The following SNX8 variants were observed in gnomAD, a reference collection of about 807,000 sequenced individuals.
The protein encoded by SNX8 is sorting nexin-8.
A neutral mutation model predicts 51.6 loss-of-function variants in SNX8; 25 were observed. The ratio of observed to expected loss-of-function variants is 0.48; its 90% confidence interval spans 0.35 to 0.68. The LOEUF is 0.68. Ranked by LOEUF, SNX8 falls within the 30% of genes least tolerant of loss-of-function variation. SNX8 has a pLI of 0.00. For missense variants in SNX8, 695 were observed against 624.0 expected, an observed-to-expected ratio of 1.11 and a Z score of -1.21; for synonymous variants, 324 against 277.0, an observed-to-expected ratio of 1.17 and a Z score of -1.68.
chr7:2,291,477 A>C (rs1265104281), intron 1 of SNX8, among the ~76,000 whole-genome samples: 1 of 152,058 alleles, frequency 6.6e-6, no homozygotes, highest in African/African-American at 2.4e-5. Context: ...ACATGCCTGT[A>C]ATCTCAGCTA....
intron 1 of SNX8, among the ~76,000 whole-genome samples, chr7:2,298,973 G>C (rs535602258): frequency 3.9e-5 from 6 of 152,224 alleles, no homozygotes; most frequent in African/African-American, 1.4e-4. Context: ...GATTACATGC[G>C]TGACCCACCA....
intron 5 of SNX8, among the ~76,000 whole-genome samples, chr7:2,268,329 G>A (rs1444891001): frequency 6.9e-6 from 1 of 144,348 alleles, no homozygotes; most frequent in Admixed American, 6.8e-5. Context: ...GAGAAGTGAG[G>A]AGCCCCTCCG....
At chr7:2,258,455 C>T (rs1562420787) in intron 7 of SNX8, among the ~76,000 whole-genome samples, 1 of 152,110 alleles carries the variant, frequency 6.6e-6, no homozygotes, top group Admixed American at 6.5e-5. Context: ...GCTGGGAGAG[C>T]CAGATGCCCC....
At chr7:2,258,725 C>T (rs1049863920) in intron 7 of SNX8, among the ~76,000 whole-genome samples, 1 of 152,178 alleles carries the variant, frequency 6.6e-6, no homozygotes, top group East Asian at 1.9e-4. Flanking sequence ...CCGCCCCAGG[C>T]TGCACGCAGA....
chr7:2,321,505 C>A (rs1184839645), intron 1 of SNX8, among the ~76,000 whole-genome samples: 2 of 150,070 alleles, frequency 1.3e-5, no homozygotes, highest in African/African-American at 4.9e-5. Flanking sequence ...CAGCTCACTG[C>A]AAGCTCCTCC....
At chr7:2,281,357 T>C (rs1192886270) in intron 1 of SNX8, among the ~76,000 whole-genome samples, 1 of 151,668 alleles carries the variant, frequency 6.6e-6, no homozygotes, top group Non-Finnish European at 1.5e-5. Flanking sequence ...AGTTCACGGC[T>C]GCGGTATGCC....
chr7:2,295,592 CAAAAAAAAAAAAAAAAA>C (rs147853805), intron 1 of SNX8, among the ~76,000 whole-genome samples: 7 of 93,542 alleles, frequency 7.5e-5, no homozygotes, highest in African/African-American at 2.4e-4. Flanking sequence ...GTAATCCCAG[CAAAAAAAAAAAAAAAAA>C]AAAAAAAAAG....
At chr7:2,274,395 A>G (rs1358498004) in intron 3 of SNX8, among the ~76,000 whole-genome samples, 2 of 152,228 alleles carry the variant, frequency 1.3e-5, no homozygotes, top group Non-Finnish European at 2.9e-5. Flanking sequence ...AGCCATGATC[A>G]GCTCTAAGCA....
At chr7:2,285,243 G>A (rs1280082387) in intron 1 of SNX8, among the ~76,000 whole-genome samples, 1 of 147,094 alleles carries the variant, frequency 6.8e-6, no homozygotes, top group African/African-American at 2.5e-5. Context: ...CAAAAAATTA[G>A]TTAGGCATGG....
At chr7:2,307,098 C>T (rs1796559714) in intron 1 of SNX8, among the ~76,000 whole-genome samples, 1 of 152,076 alleles carries the variant, frequency 6.6e-6, no homozygotes, top group Admixed American at 6.6e-5. Context: ...AGCAAAGTGC[C>T]TCCTCCCACC....
Position 2,253,590 on chromosome 7 carries a change from C to A in SNX8, c.*1466G>T, listed in dbSNP as rs139537688. 1 of 152,770 alleles carries A rather than the reference C, an allele frequency of 6.5e-6. No homozygotes were observed. Among genetic ancestry groups the A allele is most frequent in the Non-Finnish European group, 1.5e-5 (1 of 68,464 alleles). 9.5% of individuals were successfully genotyped at this position (152,770 alleles called of 1,614,324 possible). A position where few individuals can be genotyped will look rare whatever the true frequency, so the allele number is the denominator to read the frequency against. On this transcript the variant is annotated 3_prime_UTR_variant, in exon 11 of 11. Transcript: ENST00000222990. ...CATCTGGCCAGAAGGAAGCAGCCCACCTCACAGCAGGAAGGCAGCAGCAGA... is the reference window on the plus strand; with the variant it reads ...CATCTGGCCAGAAGGAAGCAGCCCAACTCACAGCAGGAAGGCAGCAGCAGA...
intron 9 of SNX8, 152 bp downstream of exon 9, chr7:2,257,213 A>T: frequency 1.8e-6 from 2 of 1,126,032 alleles, no homozygotes; most frequent in Non-Finnish European, 1.2e-6. Flanking sequence ...CGCTCTGGGC[A>T]CGCGGGCCAG....
intron 1 of SNX8, among the ~76,000 whole-genome samples, chr7:2,283,400 C>G (rs1166771039): frequency 6.6e-6 from 1 of 152,248 alleles, no homozygotes; most frequent in African/African-American, 2.4e-5. Context: ...CCCCCAGCTC[C>G]AGGTCCGCGC....
chr7:2,322,981 C>A (rs1387942502), intron 1 of SNX8, among the ~76,000 whole-genome samples: 3 of 151,804 alleles, frequency 2.0e-5, no homozygotes, highest in Non-Finnish European at 4.4e-5. Context: ...CTTGCTGCTG[C>A]ACTCCAGCCT....
intron 10 of SNX8, 37 bp from the exon 11 acceptor site, chr7:2,255,206 G>A: frequency 7.5e-7 from 1 of 1,336,668 alleles, no homozygotes; most frequent in Non-Finnish European, 1.0e-6. Context: ...TCAGCAGGCG[G>A]GGCCGGGGCT....
intron 1 of SNX8, among the ~76,000 whole-genome samples, chr7:2,283,327 G>C (rs944481681): frequency 2.0e-5 from 3 of 152,154 alleles, no homozygotes; most frequent in African/African-American, 7.2e-5. Flanking sequence ...AGCCCGCCCC[G>C]GACTGGCCCG....
chr7:2,287,977 GCTGA>G lies in SNX8; in HGVS notation c.95-9676_95-9673del, dbSNP rs530851624. On this transcript the variant is annotated intron_variant, in intron 1 of 10. Transcript: ENST00000222990. ...CTATACTCTTCAGTGTGGCTGTGTG[GCTGA>G]CTGTGCTTTTGAACACACTGGTGGT... 8.7e-3 allele frequency: 1,330 copies of G among 152,480 alleles called. 2 individuals carry two copies. Among genetic ancestry groups the G allele is most frequent in the Non-Finnish European group, 0.014 (959 of 68,242 alleles). The allele number at this position is 152,480 out of a possible 1,614,324, so 9.4% of individuals were successfully genotyped here.
chr7:2,330,912 C>T (rs1421399465), intron 1 of SNX8, among the ~76,000 whole-genome samples: 2 of 152,010 alleles, frequency 1.3e-5, no homozygotes, highest in Non-Finnish European at 2.9e-5. Flanking sequence ...ACACCGGGCG[C>T]GGTGGCTCAC....
At chr7:2,306,092 T>C (rs943663133) in intron 1 of SNX8, among the ~76,000 whole-genome samples, 11 of 152,052 alleles carry the variant, frequency 7.2e-5, no homozygotes, top group East Asian at 1.9e-4. Flanking sequence ...TCCCAAAGCA[T>C]TGGGATTACA....
Sources: gnomAD v4.1 joint callset for allele counts (sites outside exome capture counted in the v4.1 genomes callset) on GRCh38, gnomAD v4.1.1 for gene constraint, MANE v1.5 for transcripts, NCBI Gene and HGNC (gene_info 2026-07-23, HGNC 2026-07-21) for gene names.